The following PRKN variants were observed in gnomAD, a reference collection of about 807,000 sequenced individuals.
PRKN encodes E3 ubiquitin-protein ligase parkin.
In PRKN, 56 loss-of-function variants were observed where a neutral mutation model predicts 59.5. The ratio of observed to expected loss-of-function variants is 0.94; its 90% confidence interval spans 0.76 to 1.18. PRKN has a LOEUF of 1.18. Ranked by LOEUF, PRKN falls within the 50% of genes most tolerant of loss-of-function variation. The pLI, the probability that PRKN is intolerant of heterozygous loss-of-function variation, is 0.00. For missense variants in PRKN, 657 were observed against 596.4 expected (o/e 1.10, Z -1.06); for synonymous variants, 250 against 222.1 (o/e 1.13, Z -1.12).
At chr6:161,781,180 T>C (rs989801413) in intron 7 of PRKN, among the ~76,000 whole-genome samples, 1 of 152,182 alleles carries the variant, frequency 6.6e-6, no homozygotes. Context: ...CACACAAATA[T>C]GTAACTTTAG....
chr6:161,481,581 C>T (rs1020260001), intron 9 of PRKN, among the ~76,000 whole-genome samples: 3 of 151,542 alleles, frequency 2.0e-5, no homozygotes, highest in East Asian at 3.9e-4. Flanking sequence ...TAGAACCTGG[C>T]GACAGAGCAA....
intron 6 of PRKN, among the ~76,000 whole-genome samples, chr6:161,967,152 T>C (rs1337137023): frequency 6.6e-6 from 1 of 152,218 alleles, no homozygotes; most frequent in African/African-American, 2.4e-5. Flanking sequence ...AAATATTTTA[T>C]GTCAAATGTA....
At chr6:162,190,175 T>C (rs931566295) in intron 4 of PRKN, among the ~76,000 whole-genome samples, 1 of 152,174 alleles carries the variant, frequency 6.6e-6, no homozygotes, top group Non-Finnish European at 1.5e-5. Flanking sequence ...GTGAGTATCG[T>C]GCCCTACAAC....
intron 7 of PRKN, among the ~76,000 whole-genome samples, chr6:161,773,236 G>T (rs1220467927): frequency 6.6e-6 from 1 of 152,044 alleles, no homozygotes; most frequent in Non-Finnish European, 1.5e-5. Flanking sequence ...GCATAATATG[G>T]CTCATAATAA....
intron 1 of PRKN, among the ~76,000 whole-genome samples, chr6:162,630,338 C>G (rs928933814): frequency 6.6e-6 from 1 of 152,146 alleles, no homozygotes; most frequent in African/African-American, 2.4e-5. Flanking sequence ...AGAAAAGCTG[C>G]TATCAATTAC....
chr6:161,956,617 C>T (rs1428415994), intron 6 of PRKN, among the ~76,000 whole-genome samples: 1 of 152,096 alleles, frequency 6.6e-6, no homozygotes, highest in African/African-American at 2.4e-5. Flanking sequence ...GTAAGGGATA[C>T]AACAATAAAT....
In PRKN at chr6:161,397,119, T is replaced by C. The variant is rs1356366293; in HGVS notation, c.1084-10242A>G. On this transcript the variant is annotated intron_variant, in intron 9 of 11. Coordinates refer to ENST00000366898, the MANE Select transcript of PRKN (RefSeq NM_004562.3). The surrounding 1 kb of genome is among the most constrained non-coding windows in gnomAD (Gnocchi z 4.2). Reference sequence around the variant, plus strand: ...CTCTATTAAACTGTTTCACCCTCTATATGAAACTGTCTCCACCTATCTCCT... The same window carrying C: ...CTCTATTAAACTGTTTCACCCTCTACATGAAACTGTCTCCACCTATCTCCT... Among the ~76,000 whole-genome samples, 1 of 152,196 alleles carries C rather than the reference T, an allele frequency of 6.6e-6. No individual in the cohort carries two copies.
intron 7 of PRKN, among the ~76,000 whole-genome samples, chr6:161,627,192 G>A (rs1204986505): frequency 6.6e-6 from 1 of 152,192 alleles, no homozygotes; most frequent in Non-Finnish European, 1.5e-5. Context: ...GGCCCCGACT[G>A]CCTTATCAGT....
chr6:161,829,255 A>G (rs1388735291), intron 6 of PRKN, among the ~76,000 whole-genome samples: 1 of 152,142 alleles, frequency 6.6e-6, no homozygotes, highest in Admixed American at 6.5e-5. Context: ...CAAAAACAAA[A>G]AAAACAATAA....
At chr6:162,448,889 CCCTT>C (rs1790452507) in intron 1 of PRKN, among the ~76,000 whole-genome samples, 1 of 139,644 alleles carries the variant, frequency 7.2e-6, no homozygotes, top group African/African-American at 2.8e-5. Flanking sequence ...CTCTCTCTCT[CCCTT>C]CCTCTCTCTC....
rs369866179 is a variant in PRKN, at chr6:161,785,054, T to C, written c.871+718A>G. 3.6e-4 allele frequency among the ~76,000 whole-genome samples: 55 copies of C among 152,300 alleles called. 1 individual carries two copies. In the South Asian group the frequency reaches 8.7e-3, roughly 24 times the overall value. On this transcript the variant is annotated intron_variant, in intron 7 of 11. Coordinates refer to ENST00000366898, the MANE Select transcript of PRKN (RefSeq NM_004562.3). ...TTTCTTTTATAGGAAATACCTACAATAGGCAAATCCATAGAGAAAGAAAGT... is the reference window on the plus strand; with the variant it reads ...TTTCTTTTATAGGAAATACCTACAACAGGCAAATCCATAGAGAAAGAAAGT...
chr6:161,792,670 T>C (rs1291581976), intron 6 of PRKN, among the ~76,000 whole-genome samples: 1 of 152,218 alleles, frequency 6.6e-6, no homozygotes, highest in Non-Finnish European at 1.5e-5. Flanking sequence ...TCACACATTG[T>C]TTCCACTGTT....
chr6:162,459,682 T>C (rs925580412), intron 1 of PRKN, among the ~76,000 whole-genome samples: 4 of 152,190 alleles, frequency 2.6e-5, no homozygotes, highest in Non-Finnish European at 5.9e-5. Flanking sequence ...TTGTTATAAG[T>C]ATGAAATGTC....
intron 1 of PRKN, among the ~76,000 whole-genome samples, chr6:162,548,025 G>T (rs1779185340): frequency 6.7e-6 from 1 of 149,882 alleles, no homozygotes; most frequent in Middle Eastern, 3.4e-3. Context: ...CCTGACACTG[G>T]AAGGTGGCCC....
At chr6:161,761,364 G>A (rs1305023260) in intron 7 of PRKN, among the ~76,000 whole-genome samples, 1 of 152,228 alleles carries the variant, frequency 6.6e-6, no homozygotes, top group East Asian at 1.9e-4. Flanking sequence ...ATAGACAAAT[G>A]CATGGATCAA....
chr6:162,355,063 C>A lies in PRKN; in HGVS notation c.171+88247G>T, dbSNP rs1373552676. On this transcript the variant is annotated intron_variant, in intron 2 of 11. Transcript: ENST00000366898. The stretch of plus-strand genomic sequence containing the variant: ...CAGGCTCTGTGGGAGATTAGAAATA[C>A]AAAGCCTATAAGACAGTCTACAGGT... Among the ~76,000 whole-genome samples the A allele has an allele frequency of 2.6e-5, 4 of 151,906 alleles. No individual in the cohort carries two copies. In the South Asian group the frequency reaches 6.2e-4, roughly 24 times the overall value.
chr6:162,086,111 CCTTTT>C (rs1251825042), intron 4 of PRKN, among the ~76,000 whole-genome samples: 5 of 152,030 alleles, frequency 3.3e-5, no homozygotes, highest in Admixed American at 3.3e-4. Flanking sequence ...GTACTAATGC[CCTTTT>C]CTTTTAATAA....
intron 4 of PRKN, among the ~76,000 whole-genome samples, chr6:162,140,739 G>A (rs950379381): frequency 3.9e-5 from 6 of 152,150 alleles, no homozygotes; most frequent in Non-Finnish European, 7.3e-5. Flanking sequence ...AGGTGGATTG[G>A]GTCAGGAATA....
intron 7 of PRKN, among the ~76,000 whole-genome samples, chr6:161,599,025 C>T (rs1390257180): frequency 6.6e-6 from 1 of 152,182 alleles, no homozygotes; most frequent in African/African-American, 2.4e-5. Flanking sequence ...AACAGATCAG[C>T]TGTCTGAGTG....
Sources: gnomAD v4.1 joint callset for allele counts (sites outside exome capture counted in the v4.1 genomes callset) on GRCh38, gnomAD v4.1.1 for gene constraint, Gnocchi (gnomAD v3.1) non-coding constraint, MANE v1.5 for transcripts, NCBI Gene and HGNC (gene_info 2026-07-23, HGNC 2026-07-21) for gene names.